AOPEP: variants seen among roughly 807,000 people sequenced by gnomAD.
AOPEP encodes the protein aminopeptidase O.
Under a neutral mutation model 98.1 loss-of-function variants are expected in AOPEP, and 77 were observed. The observed-to-expected ratio is 0.78, with a 90% CI of 0.65 to 0.95. The LOEUF is 0.95. Ranked by LOEUF, AOPEP falls within the 40% of genes least tolerant of loss-of-function variation. AOPEP has a pLI of 0.00. For synonymous variants in AOPEP, 346 were observed against 365.3 expected (o/e 0.95, Z 0.60); for missense variants, 1,024 against 1,024.7 (o/e 1.00, Z 0.01).
intron 11 of AOPEP, among the ~76,000 whole-genome samples, chr9:95,002,543 A>G (rs1384608578): frequency 1.3e-5 from 2 of 152,230 alleles, no homozygotes; most frequent in African/African-American, 2.4e-5. Flanking sequence ...AATATGTTAA[A>G]TATGGGGAAG....
chr9:95,025,411 C>CGTAT (rs2063764441), intron 13 of AOPEP, among the ~76,000 whole-genome samples: 1 of 152,206 alleles, frequency 6.6e-6, no homozygotes, highest in Non-Finnish European at 1.5e-5. Context: ...GTGCTGGATA[C>CGTAT]GGCTCAGTGC....
the AOPEP span, among the ~76,000 whole-genome samples, chr9:95,131,881 T>A: frequency 6.6e-6 from 1 of 152,180 alleles, no homozygotes; most frequent in African/African-American, 2.4e-5. Flanking sequence ...AGTGCTACAA[T>A]TGCTACCTGG....
chr9:94,919,808 G>T (rs2053337701), intron 5 of AOPEP, among the ~76,000 whole-genome samples: 1 of 152,122 alleles, frequency 6.6e-6, no homozygotes, highest in Non-Finnish European at 1.5e-5. Flanking sequence ...AAGACCCTTA[G>T]AACTATCTAT....
At chr9:94,960,853 A>G (rs1037614902) in intron 9 of AOPEP, among the ~76,000 whole-genome samples, 3 of 152,082 alleles carry the variant, frequency 2.0e-5, no homozygotes, top group Non-Finnish European at 4.4e-5. Flanking sequence ...TCTACTAAAA[A>G]TACAAAAAAT....
At chr9:95,030,900 T>TAA (rs1328527922) in intron 13 of AOPEP, among the ~76,000 whole-genome samples, 1 of 152,256 alleles carries the variant, frequency 6.6e-6, no homozygotes, top group Admixed American at 6.5e-5. Flanking sequence ...AACATGCAGT[T>TAA]ACACAGCTGT....
intron 5 of AOPEP, among the ~76,000 whole-genome samples, chr9:94,915,860 A>G (rs1266830011): frequency 6.6e-6 from 1 of 152,180 alleles, no homozygotes; most frequent in Non-Finnish European, 1.5e-5. Context: ...TTCTGAGTAC[A>G]CTTTAGGAAA....
intron 1 of AOPEP, among the ~76,000 whole-genome samples, chr9:94,739,858 G>A (rs1202157126): frequency 1.3e-5 from 2 of 152,060 alleles, no homozygotes; most frequent in Non-Finnish European, 2.9e-5. Context: ...AGGAAATCAG[G>A]AAAGAACCAC....
chr9:95,112,259 G>A, the AOPEP span, among the ~76,000 whole-genome samples: 4 of 152,228 alleles, frequency 2.6e-5, no homozygotes, highest in African/African-American at 9.6e-5. Context: ...CTCAGCAGGT[G>A]AACATCTCCC....
At chr9:94,865,716 T>C (rs1321587742) in intron 5 of AOPEP, among the ~76,000 whole-genome samples, 1 of 152,232 alleles carries the variant, frequency 6.6e-6, no homozygotes, top group African/African-American at 2.4e-5. Context: ...TCCTGTTTAA[T>C]CTTGGACAGC....
chr9:95,137,630 G>C, the AOPEP span, among the ~76,000 whole-genome samples: 1 of 152,192 alleles, frequency 6.6e-6, no homozygotes, highest in Non-Finnish European at 1.5e-5. Context: ...GATTTGGAGT[G>C]TCTGAGGCAC....
At chr9:94,822,339 A>G (rs990942328) in intron 5 of AOPEP, among the ~76,000 whole-genome samples, 23 of 152,222 alleles carry the variant, frequency 1.5e-4, no homozygotes, top group African/African-American at 5.1e-4. Flanking sequence ...GTGCTTGTCT[A>G]GTCTCTAAGA....
At chr9:94,868,875 A>T (rs1462608792) in intron 5 of AOPEP, among the ~76,000 whole-genome samples, 1 of 152,122 alleles carries the variant, frequency 6.6e-6, no homozygotes, top group Non-Finnish European at 1.5e-5. Context: ...ATATTTTAAA[A>T]CTTAATGTGG....
At chr9:94,803,661 C>G (rs1848648532) in intron 5 of AOPEP, among the ~76,000 whole-genome samples, 1 of 152,200 alleles carries the variant, frequency 6.6e-6, no homozygotes, top group Non-Finnish European at 1.5e-5. Context: ...GCTTTTCAAA[C>G]ATGGCAGTAA....
chr9:94,877,990 C>T (rs1021326145), intron 5 of AOPEP, among the ~76,000 whole-genome samples: 1 of 152,110 alleles, frequency 6.6e-6, no homozygotes, highest in Admixed American at 6.5e-5. Context: ...GTTTGAATCA[C>T]TGCCATTGGG....
At chr9:94,979,296 G>A in intron 10 of AOPEP, 71 bp from the exon 11 acceptor site, 1 of 991,666 alleles carries the variant, frequency 1.0e-6, no homozygotes, top group Non-Finnish European at 1.6e-6. Context: ...CCCAGTTAGA[G>A]AGAACCAGTC....
intron 7 of AOPEP, among the ~76,000 whole-genome samples, chr9:94,950,236 G>C (rs543689332): frequency 1.6e-4 from 25 of 152,294 alleles, no homozygotes; most frequent in African/African-American, 6.0e-4. Flanking sequence ...AGGTTTAGTT[G>C]ATGCTACTGG....
chr9:95,082,057 C>T (rs1056765152), intron 15 of AOPEP, among the ~76,000 whole-genome samples: 3 of 151,962 alleles, frequency 2.0e-5, no homozygotes, highest in East Asian at 1.9e-4. Context: ...AGGGCGCAGG[C>T]GGGGTGGGCG....
chr9:94,756,278 G>T (rs1178258165), intron 1 of AOPEP, among the ~76,000 whole-genome samples: 2 of 150,796 alleles, frequency 1.3e-5, no homozygotes, highest in East Asian at 3.9e-4. Flanking sequence ...CAACCCTAAG[G>T]TTGGCTTAGG....
intron 5 of AOPEP, among the ~76,000 whole-genome samples, chr9:94,801,558 T>G (rs951539232): frequency 6.6e-6 from 1 of 152,222 alleles, no homozygotes; most frequent in Non-Finnish European, 1.5e-5. Context: ...GATGGCTTAC[T>G]GTGGGGGTTG....
Sources: allele counts gnomAD v4.1 joint callset (sites outside exome capture counted in the v4.1 genomes callset), GRCh38; gene constraint gnomAD v4.1.1; transcripts MANE v1.5; gene names NCBI Gene and HGNC (gene_info 2026-07-23, HGNC 2026-07-21).